TMEM178B: variants seen among roughly 807,000 people sequenced by gnomAD.
The protein encoded by TMEM178B is transmembrane protein 178B.
A neutral mutation model predicts 31.0 loss-of-function variants in TMEM178B; 5 were observed. That is an observed-to-expected ratio of 0.16 (90% CI 0.08 to 0.34). The LOEUF is 0.34. TMEM178B is among the 10% of genes least tolerant of loss of function. The pLI, the probability that TMEM178B is intolerant of heterozygous loss-of-function variation, is 1.00. For missense variants in TMEM178B, 275 were observed against 400.3 expected (o/e 0.69, Z 2.67); for synonymous variants, 164 against 164.0 (o/e 1.00, Z 0.00).
chr7:141,434,435 G>T (rs544159844), intron 2 of TMEM178B, among the ~76,000 whole-genome samples: 2 of 152,326 alleles, frequency 1.3e-5, no homozygotes, highest in Admixed American at 1.3e-4. Flanking sequence ...TCCACACATC[G>T]AAAAGAGAAG....
chr7:141,139,558 G>A (rs892380894), intron 1 of TMEM178B, among the ~76,000 whole-genome samples: 1 of 152,108 alleles, frequency 6.6e-6, no homozygotes, highest in Non-Finnish European at 1.5e-5. Context: ...GACCAGGCTG[G>A]TCTTGAACTC....
chr7:141,316,908 G>GA (rs1299215104), intron 2 of TMEM178B, among the ~76,000 whole-genome samples: 4 of 152,106 alleles, frequency 2.6e-5, no homozygotes, highest in Admixed American at 6.5e-5. Context: ...TGCAGTTTTG[G>GA]ATGCTGCTGG....
chr7:141,293,286 A>G (rs1224165376), intron 2 of TMEM178B, among the ~76,000 whole-genome samples: 7 of 152,210 alleles, frequency 4.6e-5, no homozygotes, highest in African/African-American at 7.2e-5. Context: ...AGACCTGAGC[A>G]TCTTCCAGGT....
chr7:141,144,976 G>A (rs918171609), intron 1 of TMEM178B, among the ~76,000 whole-genome samples: 4 of 152,204 alleles, frequency 2.6e-5, no homozygotes, highest in African/African-American at 7.2e-5. Flanking sequence ...GGGAAATGCT[G>A]AGTCTGATGT....
rs112274684 is a variant in TMEM178B, at chr7:141,338,146, T to C, written c.497-99462T>C. 8.6e-3 allele frequency among the ~76,000 whole-genome samples: 1,303 copies of C among 152,308 alleles called. 3 individuals carry two copies. The highest frequency in any genetic ancestry group is 0.013 in the Non-Finnish European group (915 of 68,018). ...GCCACCGTGCCCGGCCGATTTGATA[T>C]TTTTTAAAGCGAAGTTATTTTTGAA... On this transcript the variant is annotated intron_variant, in intron 2 of 3. Transcript: ENST00000565468.
At chr7:141,266,737 G>A (rs781120901) in intron 2 of TMEM178B, among the ~76,000 whole-genome samples, 2 of 152,202 alleles carry the variant, frequency 1.3e-5, no homozygotes, top group Non-Finnish European at 2.9e-5. Context: ...GGCATGAAAA[G>A]GGAGTTATTA....
At chr7:141,118,681 T>A (rs1301068603) in intron 1 of TMEM178B, among the ~76,000 whole-genome samples, 1 of 152,160 alleles carries the variant, frequency 6.6e-6, no homozygotes, top group Non-Finnish European at 1.5e-5. Context: ...GAGGCAACAC[T>A]AGGGTAGAAA....
At chr7:141,081,095 G>T (rs1794674760) in intron 1 of TMEM178B, among the ~76,000 whole-genome samples, 1 of 152,160 alleles carries the variant, frequency 6.6e-6, no homozygotes, top group African/African-American at 2.4e-5. Flanking sequence ...CCCCAGGTGG[G>T]TCCTTCAGGA....
At chr7:141,319,081 A>G (rs934535674) in intron 2 of TMEM178B, among the ~76,000 whole-genome samples, 1 of 152,262 alleles carries the variant, frequency 6.6e-6, no homozygotes, top group African/African-American at 2.4e-5. Context: ...GCTTAGAAGT[A>G]GCATAAAATC....
intron 1 of TMEM178B, among the ~76,000 whole-genome samples, chr7:141,185,544 T>G (rs970900528): frequency 1.6e-4 from 25 of 152,120 alleles, no homozygotes; most frequent in African/African-American, 5.8e-4. Flanking sequence ...GCGCAGCCGC[T>G]TGTGTGTTCC....
At chr7:141,442,107 A>G (rs1332695921) in intron 3 of TMEM178B, among the ~76,000 whole-genome samples, 2 of 152,208 alleles carry the variant, frequency 1.3e-5, no homozygotes, top group African/African-American at 4.8e-5. Flanking sequence ...GGAGCACGTG[A>G]CTGCTATGAG....
At chr7:141,495,928 TCAATCCAGG>T in the TMEM178B span, among the ~76,000 whole-genome samples, 1 of 152,180 alleles carries the variant, frequency 6.6e-6, no homozygotes, top group Non-Finnish European at 1.5e-5. Context: ...GAGCCAATAT[TCAATCCAGG>T]TGTGTCTGTC....
chr7:141,294,948 C>T lies in TMEM178B; in HGVS notation c.496+82244C>T, dbSNP rs534396924. On this transcript the variant is annotated intron_variant, in intron 2 of 3. Transcript: ENST00000565468. ...CAGGCAAACATGGGCCCTTTTCAAT[C>T]TGATATGATTTGTCAGAACTCTGCT... Among the ~76,000 whole-genome samples, 340 of 152,286 alleles carry T rather than the reference C, an allele frequency of 2.2e-3. 5 individuals are homozygous for T. Among genetic ancestry groups the T allele is most frequent in the Admixed American group, 3.7e-3 (56 of 15,296 alleles).
chr7:141,156,709 A>C (rs530389845), intron 1 of TMEM178B, among the ~76,000 whole-genome samples: 3 of 152,288 alleles, frequency 2.0e-5, no homozygotes, highest in Non-Finnish European at 4.4e-5. Flanking sequence ...ATTCTGCGTA[A>C]TTACTTACTT....
chr7:141,200,057 A>T (rs1472105251), intron 1 of TMEM178B, among the ~76,000 whole-genome samples: 1 of 151,896 alleles, frequency 6.6e-6, no homozygotes, highest in Non-Finnish European at 1.5e-5. Flanking sequence ...TCTCAAAAAA[A>T]AAATTTGTAG....
chr7:141,505,947 T>C, the TMEM178B span, among the ~76,000 whole-genome samples: 2 of 152,224 alleles, frequency 1.3e-5, no homozygotes, highest in African/African-American at 4.8e-5. Flanking sequence ...ACTCAGGCTC[T>C]CCACTGCAAG....
In TMEM178B at chr7:141,123,082, G is replaced by A. The variant is rs34059804; in HGVS notation, c.382+48390G>A. 2.8e-3 allele frequency among the ~76,000 whole-genome samples: 422 copies of A among 152,228 alleles called. 2 individuals are homozygous for A. The highest frequency in any genetic ancestry group is 4.4e-3 in the Non-Finnish European group (300 of 68,024). ...TTCTCCTTTAATTATTTTTATTGCC[G>A]TCTCTTGCTTTAAGGCTCTTCTGAG... is the stretch of plus-strand genomic sequence containing the variant. On this transcript the variant is annotated intron_variant, in intron 1 of 3. Coordinates refer to ENST00000565468, the MANE Select transcript of TMEM178B (RefSeq NM_001195278.2).
At chr7:141,135,828 G>A (rs375372483) in intron 1 of TMEM178B, among the ~76,000 whole-genome samples, 78 of 152,110 alleles carry the variant, frequency 5.1e-4, no homozygotes, top group African/African-American at 1.8e-3. Flanking sequence ...AACTAGAAAC[G>A]CAGGAATAAA....
chr7:141,291,081 G>A (rs954472185), intron 2 of TMEM178B, among the ~76,000 whole-genome samples: 2 of 152,184 alleles, frequency 1.3e-5, no homozygotes, highest in African/African-American at 4.8e-5. Context: ...TCTATTTGAT[G>A]TTCTACATGT....
Sources: allele counts gnomAD v4.1 joint callset (sites outside exome capture counted in the v4.1 genomes callset), GRCh38; gene constraint gnomAD v4.1.1; transcripts MANE v1.5; gene names NCBI Gene and HGNC (gene_info 2026-07-23, HGNC 2026-07-21).